Variants in UHRF2 observed in about 807,000 individuals in gnomAD.
The protein encoded by UHRF2 is ubiquitin like with PHD and ring finger domains 2.
UHRF2 carries 23 observed loss-of-function variants against 96.8 expected under a neutral mutation model. That is an observed-to-expected ratio of 0.24 (90% CI 0.17 to 0.34). The LOEUF (loss-of-function observed/expected upper bound fraction) is 0.34, where lower values mean the gene tolerates loss of function less well. UHRF2 is among the 10% of genes least tolerant of loss of function. The pLI, the probability that UHRF2 is intolerant of heterozygous loss-of-function variation, is 1.00. For synonymous variants in UHRF2, 385 were observed against 332.6 expected, an observed-to-expected ratio of 1.16 and a Z score of -1.72; for missense variants, 685 against 981.5, an observed-to-expected ratio of 0.70 and a Z score of 4.04.
intron 4 of UHRF2, among the ~76,000 whole-genome samples, chr9:6,471,433 T>G (rs1823233655): frequency 6.6e-6 from 1 of 152,138 alleles, no homozygotes; most frequent in African/African-American, 2.4e-5. Context: ...CATACTTCAC[T>G]AGGGTGGCTC....
intron 8 of UHRF2, among the ~76,000 whole-genome samples, chr9:6,485,803 CAAAAA>C (rs57868028): frequency 6.8e-5 from 4 of 59,192 alleles, no homozygotes; most frequent in African/African-American, 2.0e-4. Context: ...TGTCTCTACC[CAAAAA>C]AAAAAAAAAA....
At chr9:6,422,841 G>A (rs1433538925) in intron 2 of UHRF2, 2 of 393,344 alleles carry the variant, frequency 5.1e-6, no homozygotes, top group Admixed American at 4.4e-5. Flanking sequence ...ATTTCTGGTA[G>A]CTTTGTTTTT....
intron 12 of UHRF2, chr9:6,499,605 G>A (rs992318193): frequency 1.3e-5 from 4 of 307,098 alleles, no homozygotes; most frequent in Non-Finnish European, 2.5e-5. Flanking sequence ...TAAGATCAGT[G>A]TATTATAAAA....
intron 2 of UHRF2, among the ~76,000 whole-genome samples, chr9:6,428,716 A>AT (rs749792858): frequency 2.6e-5 from 4 of 151,634 alleles, no homozygotes; most frequent in Non-Finnish European, 5.9e-5. Context: ...TACCCAGCTA[A>AT]TTTTCAATTT....
At chr9:6,420,706 C>CAA (rs879041284) in intron 1 of UHRF2, among the ~76,000 whole-genome samples, 2 of 70,780 alleles carry the variant, frequency 2.8e-5, no homozygotes, top group African/African-American at 5.3e-5. Context: ...GACACCGTCT[C>CAA]AAAAAAAAAA....
At chr9:6,499,632 T>C (rs919335306) in intron 12 of UHRF2, 1 of 379,416 alleles carries the variant, frequency 2.6e-6, no homozygotes, top group African/African-American at 2.1e-5. Context: ...CTCTTAGCAG[T>C]CACAGCTACA....
At chr9:6,417,320 G>A (rs1296636464) in intron 1 of UHRF2, among the ~76,000 whole-genome samples, 3 of 152,144 alleles carry the variant, frequency 2.0e-5, no homozygotes, top group African/African-American at 7.2e-5. Context: ...TGTAAATACT[G>A]CATCTCCATC....
intron 4 of UHRF2, among the ~76,000 whole-genome samples, chr9:6,465,259 A>G (rs1822789524): frequency 6.6e-6 from 1 of 152,142 alleles, no homozygotes. Context: ...GGATTTTTAC[A>G]TTTGTATTAA....
intron 3 of UHRF2, among the ~76,000 whole-genome samples, chr9:6,451,898 C>T (rs1045984910): frequency 9.9e-5 from 15 of 152,082 alleles, no homozygotes; most frequent in Non-Finnish European, 2.1e-4. Flanking sequence ...GATTCTCCTG[C>T]CTCAGCCTCC....
chr9:6,442,821 G>A (rs1821256686), intron 3 of UHRF2, among the ~76,000 whole-genome samples: 1 of 151,990 alleles, frequency 6.6e-6, no homozygotes, highest in Non-Finnish European at 1.5e-5. Flanking sequence ...TATGGTCTAG[G>A]CTTTAATTTT....
Position 6,497,997 on chromosome 9 carries a change from C to G in UHRF2, c.1768-21C>G, listed in dbSNP as rs140599456. 2,671 of 1,609,304 alleles carry G rather than the reference C, an allele frequency of 1.7e-3. 28 individuals carry two copies. In the African/African-American group the frequency reaches 0.029, roughly 17 times the overall value. ...GTCTAAATTTTAAATCTCAAACTGG[C>G]ACTGAAATATTGTGATTTAGGTGGT... is the stretch of plus-strand genomic sequence containing the variant. On this transcript the variant is annotated intron_variant, in intron 11 of 15. Coordinates refer to ENST00000276893, the MANE Select transcript of UHRF2 (RefSeq NM_152896.3).
chr9:6,457,283 T>G (rs771679932), intron 3 of UHRF2, among the ~76,000 whole-genome samples: 3 of 152,092 alleles, frequency 2.0e-5, no homozygotes, highest in African/African-American at 4.8e-5. Flanking sequence ...TGAATGGGAG[T>G]TCACTCATGA....
intron 2 of UHRF2, among the ~76,000 whole-genome samples, chr9:6,425,740 G>C (rs1453484113): frequency 1.3e-5 from 2 of 151,228 alleles, no homozygotes; most frequent in Admixed American, 6.6e-5. Context: ...TCCAAGCCTG[G>C]GTGAGTGAGA....
intron 1 of UHRF2, among the ~76,000 whole-genome samples, chr9:6,416,144 A>G (rs1238145709): frequency 6.6e-6 from 1 of 151,314 alleles, no homozygotes; most frequent in Non-Finnish European, 1.5e-5. Context: ...GCTTACTACA[A>G]CCTCTGCCTC....
At chr9:6,470,841 C>G (rs1354467252) in intron 4 of UHRF2, among the ~76,000 whole-genome samples, 7 of 152,064 alleles carry the variant, frequency 4.6e-5, no homozygotes, top group African/African-American at 1.7e-4. Context: ...AAATATTAGT[C>G]TAATCCAAAA....
At chr9:6,453,630 A>G (rs1190538222) in intron 3 of UHRF2, among the ~76,000 whole-genome samples, 2 of 152,190 alleles carry the variant, frequency 1.3e-5, no homozygotes, top group Non-Finnish European at 2.9e-5. Context: ...TGGGCTACAG[A>G]CTTTAAATTT....
In UHRF2 at chr9:6,460,810, G is replaced by A; in HGVS notation, c.863+19G>A. Reference sequence around the variant, plus strand: ...TCCTGGGGTAAGATTGTCTTCACTGGTGCCATTTAATTAACTGAATTGATC... The same window carrying A: ...TCCTGGGGTAAGATTGTCTTCACTGATGCCATTTAATTAACTGAATTGATC... On this transcript the variant is annotated intron_variant, in intron 4 of 15. Coordinates refer to ENST00000276893, the MANE Select transcript of UHRF2 (RefSeq NM_152896.3). The A allele has an allele frequency of 1.3e-6, 2 of 1,595,522 alleles. No homozygotes were observed. Among genetic ancestry groups the A allele is most frequent in the Non-Finnish European group, 1.7e-6 (2 of 1,169,186 alleles).
intron 3 of UHRF2, among the ~76,000 whole-genome samples, chr9:6,440,054 C>G (rs2130786393): frequency 6.6e-6 from 1 of 152,230 alleles, no homozygotes; most frequent in South Asian, 2.1e-4. Flanking sequence ...ATTATCCTTT[C>G]TGTAGTTAAG....
intron 2 of UHRF2, among the ~76,000 whole-genome samples, chr9:6,425,481 G>A (rs1020556719): frequency 3.3e-5 from 5 of 152,094 alleles, no homozygotes; most frequent in South Asian, 4.1e-4. Context: ...GAGGCCGGGC[G>A]CAGTGGCTCA....
Sources: gnomAD v4.1 joint callset for allele counts (sites outside exome capture counted in the v4.1 genomes callset) on GRCh38, gnomAD v4.1.1 for gene constraint, MANE v1.5 for transcripts, NCBI Gene and HGNC (gene_info 2026-07-23, HGNC 2026-07-21) for gene names.